Variants in UBE3D observed in about 807,000 individuals in gnomAD.
UBE3D encodes the protein E3 ubiquitin-protein ligase E3D.
UBE3D carries 48 observed loss-of-function variants against 49.6 expected under a neutral mutation model. The ratio of observed to expected loss-of-function variants is 0.97; its 90% CI spans 0.77 to 1.23. The LOEUF is 1.23. Among genes scored for constraint, UBE3D ranks in the 50% most tolerant of loss-of-function variants. UBE3D has a pLI of 0.00. For synonymous variants in UBE3D, 189 were observed against 174.2 expected, an observed-to-expected ratio of 1.08 and a Z score of -0.67; for missense variants, 452 against 468.4, an observed-to-expected ratio of 0.96 and a Z score of 0.32.
Position 83,057,865 on chromosome 6 carries a change from G to T in UBE3D, c.235C>A (p.Leu79Met). The change falls in exon 2 of 10, where the codon CTG becomes ATG. Residue 79 changes from leucine to methionine, a missense_variant. Physicochemically the swap from Leu to Met is conservative, Grantham distance 15 (BLOSUM62 2). Coordinates refer to ENST00000369747, the MANE Select transcript of UBE3D (RefSeq NM_198920.3). ...GCTTGCGTCTGCAGTCGCAGGTGCA[G>T]TCCATCTCCAACAACAAACTGTAGC... Reference protein sequence around the residue: ...RGLQFVVGDGLHLRLQTQAKL... With the variant: ...RGLQFVVGDGMHLRLQTQAKL... 6.2e-7 allele frequency: 1 copy of T among 1,614,170 alleles called. No homozygotes were observed. Among genetic ancestry groups the T allele is most frequent in the South Asian group, 1.1e-5 (1 of 91,072 alleles).
chr6:82,972,709 C>T (rs1777440677), intron 8 of UBE3D, among the ~76,000 whole-genome samples: 1 of 151,998 alleles, frequency 6.6e-6, no homozygotes, highest in Non-Finnish European at 1.5e-5. Flanking sequence ...TTTGTTGTAC[C>T]ATTTATGTTG....
Position 83,045,717 on chromosome 6 carries a change from C to T in UBE3D, c.366-1058G>A, listed in dbSNP as rs561535900. 1.6e-4 allele frequency among the ~76,000 whole-genome samples: 24 copies of T among 152,224 alleles called. No individual in the cohort carries two copies. The South Asian group carries it at 4.6e-3, about 29-fold the overall frequency. On this transcript the variant is annotated intron_variant, in intron 3 of 9. Transcript: ENST00000369747. ...AAGGTAGTGTATTAGTTCCCATATACACTTCACCCAGATGGACCTAAACTT... is the reference window on the plus strand; with the variant it reads ...AAGGTAGTGTATTAGTTCCCATATATACTTCACCCAGATGGACCTAAACTT...
chr6:82,891,124 AT>A (rs773990522), downstream of UBE3D, among the ~76,000 whole-genome samples: 2 of 152,226 alleles, frequency 1.3e-5, no homozygotes, highest in Non-Finnish European at 2.9e-5. Context: ...ATAATCTGTC[AT>A]GGGCAATACA....
intron 5 of UBE3D, among the ~76,000 whole-genome samples, chr6:83,031,071 G>A (rs369053053): frequency 3.9e-5 from 6 of 152,098 alleles, no homozygotes; most frequent in South Asian, 2.1e-4. Context: ...GCAGTGGTGC[G>A]ATATCAGCTC....
At chr6:82,907,402 G>A (rs922011355) in intron 9 of UBE3D, among the ~76,000 whole-genome samples, 5 of 152,182 alleles carry the variant, frequency 3.3e-5, no homozygotes, top group African/African-American at 1.2e-4. Context: ...CAGAAGGCAT[G>A]TTTCACAGTG....
intron 9 of UBE3D, among the ~76,000 whole-genome samples, chr6:82,896,089 C>G (rs1052188815): frequency 6.6e-6 from 1 of 152,180 alleles, no homozygotes; most frequent in African/African-American, 2.4e-5. Context: ...TGCAATCATC[C>G]TTGGGAACAG....
At chr6:82,891,895 T>C (rs12529587), downstream of UBE3D, among the ~76,000 whole-genome samples, 49,676 of 151,972 alleles carry the variant, frequency 0.33, 9,499 homozygotes, top group African/African-American at 0.52. Context: ...GGTGTGATGG[T>C]GGGTGCCTGT....
chr6:83,001,154 T>G (rs1562171036), intron 8 of UBE3D, among the ~76,000 whole-genome samples: 1 of 152,188 alleles, frequency 6.6e-6, no homozygotes, highest in Non-Finnish European at 1.5e-5. Context: ...CAAGCATCAG[T>G]TCTTCATGGA....
intron 1 of UBE3D, among the ~76,000 whole-genome samples, chr6:83,058,569 A>C (rs1783966065): frequency 6.6e-6 from 1 of 152,230 alleles, no homozygotes; most frequent in Non-Finnish European, 1.5e-5. Flanking sequence ...GAGGGGATAA[A>C]GGCATCTATG....
chr6:83,052,759 A>G (rs188677429), intron 3 of UBE3D, among the ~76,000 whole-genome samples: 1 of 152,234 alleles, frequency 6.6e-6, no homozygotes, highest in East Asian at 1.9e-4. Context: ...TCTGGAATTT[A>G]TATTGGAGAA....
At chr6:82,954,641 T>C (rs1191393549) in intron 9 of UBE3D, among the ~76,000 whole-genome samples, 1 of 152,098 alleles carries the variant, frequency 6.6e-6, no homozygotes, top group Admixed American at 6.6e-5. Context: ...CTCTTGCCAA[T>C]ATAGCTCTTA....
intron 8 of UBE3D, among the ~76,000 whole-genome samples, chr6:82,991,958 A>T (rs1184472016): frequency 6.6e-6 from 1 of 152,172 alleles, no homozygotes; most frequent in East Asian, 1.9e-4. Context: ...TGTACCTGTA[A>T]AAGTCCCTAA....
At chr6:82,921,265 A>C (rs1375150117) in intron 9 of UBE3D, among the ~76,000 whole-genome samples, 1 of 152,184 alleles carries the variant, frequency 6.6e-6, no homozygotes, top group African/African-American at 2.4e-5. Context: ...TTTTTAAAAA[A>C]TCTTTTAAAC....
In UBE3D at chr6:82,931,059, C is replaced by G. The variant is rs561046763; in HGVS notation, c.1149+26253G>C. ...AGCCTAGGGATTTGGTGCCCCGCAT[C>G]CTAGCTGCTCCAGTCATGGCTAAAA... On this transcript the variant is annotated intron_variant, in intron 9 of 9. Transcript: ENST00000369747. Among the ~76,000 whole-genome samples, 14 of 152,318 alleles carry G rather than the reference C, an allele frequency of 9.2e-5. No homozygotes were observed. In the East Asian group the frequency reaches 2.7e-3, roughly 29 times the overall value.
intron 7 of UBE3D, among the ~76,000 whole-genome samples, chr6:83,020,790 G>A (rs947396349): frequency 1.3e-5 from 2 of 152,214 alleles, no homozygotes; most frequent in Admixed American, 6.5e-5. Flanking sequence ...GCAACTTCAG[G>A]CCCTTCCCTC....
At chr6:82,942,485 A>T (rs1344959079) in intron 9 of UBE3D, among the ~76,000 whole-genome samples, 1 of 152,204 alleles carries the variant, frequency 6.6e-6, no homozygotes, top group Non-Finnish European at 1.5e-5. Context: ...CATGTCAGAG[A>T]CCTTCAGGGC....
chr6:82,919,496 T>C (rs1773167691), intron 9 of UBE3D, among the ~76,000 whole-genome samples: 2 of 151,780 alleles, frequency 1.3e-5, no homozygotes, highest in African/African-American at 4.8e-5. Flanking sequence ...CCCAGGTACT[T>C]GGGAGGCTGA....
rs1221290118 is a variant in UBE3D, at chr6:82,985,968, ATTTCT to A, written c.1011-28523_1011-28519del. On this transcript the variant is annotated intron_variant, in intron 8 of 9. Transcript: ENST00000369747. ...TCTGATAGGGCTAGTCCTTGCCCTG[ATTTCT>A]TTTATTTTCAAGGGTTTTCCTAACT... 1.9e-4 allele frequency among the ~76,000 whole-genome samples: 29 copies of A among 152,190 alleles called. 1 individual carries two copies. The highest frequency in any genetic ancestry group is 1.4e-3 in the Admixed American group (22 of 15,272).
intron 1 of UBE3D, 73 bp downstream of exon 1, chr6:83,065,569 A>G: frequency 1.4e-6 from 2 of 1,408,622 alleles, no homozygotes; most frequent in Non-Finnish European, 2.0e-6. Flanking sequence ...GTACAGAGAG[A>G]GACTCACCAG....
Sources: gnomAD v4.1 joint callset for allele counts (sites outside exome capture counted in the v4.1 genomes callset) on GRCh38, gnomAD v4.1.1 for gene constraint, MANE v1.5 for transcripts, NCBI Gene and HGNC (gene_info 2026-07-23, HGNC 2026-07-21) for gene names.